Variants in ZNF385B observed in about 807,000 individuals in gnomAD.
The protein encoded by ZNF385B is zinc finger protein 385B.
In ZNF385B, 23 loss-of-function variants were observed where a neutral mutation model predicts 39.2. The observed-to-expected ratio is 0.59, with a 90% CI of 0.42 to 0.83. ZNF385B has a LOEUF of 0.83. Among genes scored for constraint, ZNF385B ranks in the 40% least tolerant of loss-of-function variants. ZNF385B has a pLI of 0.00. For synonymous variants in ZNF385B, 205 were observed against 222.6 expected (o/e 0.92, Z 0.70); for missense variants, 552 against 598.9 (o/e 0.92, Z 0.82).
chr2:179,684,089 C>T (rs1419844534), intron 3 of ZNF385B, among the ~76,000 whole-genome samples: 1 of 152,046 alleles, frequency 6.6e-6, no homozygotes, highest in Admixed American at 6.5e-5. Context: ...TGAGCACATA[C>T]AATTTAGTTT....
At chr2:179,533,618 G>A (rs1202796045) in intron 4 of ZNF385B, among the ~76,000 whole-genome samples, 1 of 152,100 alleles carries the variant, frequency 6.6e-6, no homozygotes, top group African/African-American at 2.4e-5. Context: ...GTGGGAGGGG[G>A]AGGAGTGGGT....
chr2:179,832,671 G>C (rs540685910), intron 1 of ZNF385B, among the ~76,000 whole-genome samples: 17 of 152,138 alleles, frequency 1.1e-4, no homozygotes, highest in Non-Finnish European at 2.4e-4. Context: ...TGATCTTCAG[G>C]CTAATGATTT....
At chr2:179,695,226 A>G (rs2106351712) in intron 3 of ZNF385B, among the ~76,000 whole-genome samples, 1 of 152,274 alleles carries the variant, frequency 6.6e-6, no homozygotes, top group Non-Finnish European at 1.5e-5. Flanking sequence ...CATTGACTGC[A>G]CTGCTAATTA....
At chr2:179,659,309 C>A (rs903201889) in intron 3 of ZNF385B, among the ~76,000 whole-genome samples, 2 of 152,190 alleles carry the variant, frequency 1.3e-5, no homozygotes, top group Non-Finnish European at 2.9e-5. Context: ...AATAAATAAT[C>A]CAAGCCCTAA....
chr2:179,617,335 G>A (rs1689836760), intron 3 of ZNF385B, among the ~76,000 whole-genome samples: 1 of 152,172 alleles, frequency 6.6e-6, no homozygotes, highest in South Asian at 2.1e-4. Flanking sequence ...TAGGTCTGGA[G>A]CACAGCTACG....
chr2:179,625,083 T>A (rs940707822), intron 3 of ZNF385B, among the ~76,000 whole-genome samples: 1 of 152,204 alleles, frequency 6.6e-6, no homozygotes, highest in Admixed American at 6.5e-5. Flanking sequence ...CAGAAGAAAC[T>A]GAGAAATAAA....
At chr2:179,799,698 G>C (rs1019649035) in intron 1 of ZNF385B, among the ~76,000 whole-genome samples, 1 of 152,032 alleles carries the variant, frequency 6.6e-6, no homozygotes, top group South Asian at 2.1e-4. Context: ...CAATGCCAGA[G>C]TACTATTGTG....
At chr2:179,584,362 CTGCAATGCAGTATAAAATACTATAAAA>C (rs1466502036) in intron 3 of ZNF385B, among the ~76,000 whole-genome samples, 1 of 152,092 alleles carries the variant, frequency 6.6e-6, no homozygotes, top group Non-Finnish European at 1.5e-5. Context: ...CTGAGAACTG[CTGCAATGCAGTATAAAATACTATAAAA>C]TGACAAAAGA....
chr2:179,574,046 TC>T (rs1685532922), intron 3 of ZNF385B, among the ~76,000 whole-genome samples: 1 of 152,120 alleles, frequency 6.6e-6, no homozygotes, highest in South Asian at 2.1e-4. Context: ...TCAAAATCAC[TC>T]CTTTACTATA....
At chr2:179,805,268 T>A (rs541609219) in intron 1 of ZNF385B, among the ~76,000 whole-genome samples, 1 of 152,200 alleles carries the variant, frequency 6.6e-6, no homozygotes, top group Admixed American at 6.5e-5. Context: ...ATCAGCCATG[T>A]GAATGAAACA....
intron 3 of ZNF385B, among the ~76,000 whole-genome samples, chr2:179,766,864 T>A (rs988240728): frequency 6.6e-6 from 1 of 152,110 alleles, no homozygotes; most frequent in Non-Finnish European, 1.5e-5. Flanking sequence ...TGGCATTTTG[T>A]TTCTTATTTA....
chr2:179,796,896 G>A (rs1705698140), intron 1 of ZNF385B, among the ~76,000 whole-genome samples: 5 of 152,010 alleles, frequency 3.3e-5, no homozygotes, highest in African/African-American at 7.2e-5. Flanking sequence ...TTAATCTCTC[G>A]GAATGATCTG....
chr2:179,788,033 T>A (rs1705107926), intron 1 of ZNF385B, among the ~76,000 whole-genome samples: 1 of 152,226 alleles, frequency 6.6e-6, no homozygotes, highest in African/African-American at 2.4e-5. Context: ...CAAGGTTTTA[T>A]CTGTAATCAT....
chr2:179,513,045 C>T (rs180701767), intron 5 of ZNF385B, among the ~76,000 whole-genome samples: 2 of 152,108 alleles, frequency 1.3e-5, no homozygotes, highest in East Asian at 3.9e-4. Flanking sequence ...AATGAAGAAC[C>T]GCAAAATGCA....
intron 5 of ZNF385B, among the ~76,000 whole-genome samples, chr2:179,497,104 A>G (rs971939316): frequency 1.6e-4 from 24 of 152,306 alleles, no homozygotes; most frequent in African/African-American, 5.5e-4. Flanking sequence ...CAGACAAACA[A>G]AAGCTGAGGT....
At chr2:179,831,166 C>T (rs1401351783) in intron 1 of ZNF385B, among the ~76,000 whole-genome samples, 1 of 152,044 alleles carries the variant, frequency 6.6e-6, no homozygotes, top group Admixed American at 6.6e-5. Context: ...CTTCCTTTTC[C>T]AGGCAGTATC....
intron 3 of ZNF385B, among the ~76,000 whole-genome samples, chr2:179,608,993 T>C (rs1390791965): frequency 5.3e-5 from 8 of 152,036 alleles, no homozygotes; most frequent in Non-Finnish European, 2.9e-5. Context: ...GATATTTTGA[T>C]ATAGAAATAT....
chr2:179,704,220 T>C (rs990845215), intron 3 of ZNF385B, among the ~76,000 whole-genome samples: 2 of 152,190 alleles, frequency 1.3e-5, no homozygotes, highest in Admixed American at 6.5e-5. Flanking sequence ...TATAAATATT[T>C]ATTGAAAGAG....
At chr2:179,838,881 A>G (rs966440) in intron 1 of ZNF385B, among the ~76,000 whole-genome samples, 39,598 of 148,300 alleles carry the variant, frequency 0.27, 5,448 homozygotes, top group Non-Finnish European at 0.29. Context: ...AACCAATAAT[A>G]ATTAAACTAG....
Sources: allele counts gnomAD v4.1 joint callset (sites outside exome capture counted in the v4.1 genomes callset), GRCh38; gene constraint gnomAD v4.1.1; transcripts MANE v1.5; gene names NCBI Gene and HGNC (gene_info 2026-07-23, HGNC 2026-07-21).